ZNF502: variants seen among roughly 807,000 people sequenced by gnomAD.
The protein encoded by ZNF502 is zinc finger protein 502.
Under a neutral mutation model 43.6 loss-of-function variants are expected in ZNF502, and 29 were observed. The observed-to-expected ratio is 0.67, with a 90% CI of 0.50 to 0.91. The LOEUF (loss-of-function observed/expected upper bound fraction) is 0.91, where lower values mean the gene tolerates loss of function less well. Among genes scored for constraint, ZNF502 ranks in the 40% least tolerant of loss-of-function variants. The probability of loss-of-function intolerance (pLI) is 0.00; values close to 1 mark genes in which losing one functional copy is unlikely to be tolerated. For missense variants in ZNF502, 591 were observed against 647.2 expected (o/e 0.91, Z 0.94); for synonymous variants, 171 against 207.4 (o/e 0.82, Z 1.51).
In ZNF502 at chr3:44,721,546, A is replaced by G. The variant is rs1704336779; in HGVS notation, c.729A>G (p.Glu243=). 1.2e-6 allele frequency: 2 copies of G among 1,607,400 alleles called. No homozygotes were observed. Among genetic ancestry groups the G allele is most frequent in the South Asian group, 1.1e-5 (1 of 90,116 alleles). The part of the protein sequence containing the change: ...HTGEKPYKCN[E]CGNSFRNHSH... ...GAGAGAAACCTTATAAATGCAATGA[A>G]TGTGGGAATTCCTTCCGCAATCACT... Residue 243 remains glutamate (E), a synonymous_variant, in exon 3 of 3, where the codon GAA becomes GAG. Transcript: ENST00000436624.
chr3:44,717,405 C>CTTTTTTTTTTTT (rs34497930), intron 1 of ZNF502, among the ~76,000 whole-genome samples: 1 of 76,030 alleles, frequency 1.3e-5, no homozygotes, highest in Non-Finnish European at 2.4e-5. Flanking sequence ...GTGATGCAAT[C>CTTTTTTTTTTTT]TTTTTTTTTT....
At chr3:44,716,210 G>A (rs555106157) in intron 1 of ZNF502, among the ~76,000 whole-genome samples, 4 of 147,358 alleles carry the variant, frequency 2.7e-5, no homozygotes, top group Admixed American at 6.8e-5. Flanking sequence ...TTTTTGAGAC[G>A]GAGTTTCGCT....
intron 1 of ZNF502, among the ~76,000 whole-genome samples, chr3:44,714,439 C>T (rs1049220011): frequency 2.0e-5 from 3 of 152,178 alleles, no homozygotes; most frequent in Non-Finnish European, 4.4e-5. Context: ...TTTGGTAAAA[C>T]TGTTTTATTA....
In ZNF502 at chr3:44,722,075, A is replaced by G; in HGVS notation, c.1258A>G (p.Ile420Val). The change falls in exon 3 of 3, where the codon ATT becomes GTT. Residue 420 changes from isoleucine (I) to valine (V), a missense_variant. Physicochemically the swap from Ile to Val is conservative, Grantham distance 29. Coordinates refer to ENST00000436624, the MANE Select transcript of ZNF502 (RefSeq NM_001134442.3). ...SECGKAFIQS[I>V]CLIRHQRSHT... ...ATGTGGTAAAGCCTTCATTCAGAGC[A>G]TTTGCCTTATTCGGCACCAGAGAAG... The G allele has an allele frequency of 1.2e-6, 2 of 1,614,078 alleles. No individual in the cohort carries two copies. The highest frequency in any genetic ancestry group is 1.3e-5 in the African/African-American group (1 of 75,000).
Position 44,722,230 on chromosome 3 carries a change from C to G in ZNF502, c.1413C>G (p.Ala471=). Residue 471 remains alanine, a synonymous_variant, in exon 3 of 3, where the codon GCC becomes GCG. Coordinates refer to ENST00000436624, the MANE Select transcript of ZNF502 (RefSeq NM_001134442.3). ...ATAAATGTAAAGAATGTGGGAAAGC[C>G]TTTGCTCATAGCTCATCTCTTACTG... ...KPYKCKECGK[A]FAHSSSLTEH... 6.2e-7 allele frequency: 1 copy of G among 1,614,102 alleles called. No individual in the cohort carries two copies. The highest frequency in any genetic ancestry group is 1.1e-5 in the South Asian group (1 of 91,076).
Position 44,721,778 on chromosome 3 carries a change from A to C in ZNF502, c.961A>C (p.Lys321Gln). 6.2e-7 allele frequency: 1 copy of C among 1,613,952 alleles called. No homozygotes were observed. The highest frequency in any genetic ancestry group is 8.5e-7 in the Non-Finnish European group (1 of 1,179,928). ...TQHQRIHTGEKPHKCDECGKT... is the reference protein window; with the variant it reads ...TQHQRIHTGEQPHKCDECGKT... ...ACATCAGAGAATTCACACTGGGGAA[A>C]AACCCCATAAATGTGACGAATGTGG... The change falls in exon 3 of 3, where the codon AAA becomes CAA. Residue 321 changes from lysine (K) to glutamine (Q), a missense_variant. Lys to Gln is a moderately conservative substitution (Grantham distance 53, BLOSUM62 1). Transcript: ENST00000436624.
intron 1 of ZNF502, among the ~76,000 whole-genome samples, chr3:44,718,318 C>A (rs1314880722): frequency 2.6e-5 from 4 of 152,168 alleles, no homozygotes; most frequent in Admixed American, 6.6e-5. Flanking sequence ...ACTGAAATAG[C>A]CTCACAAGGG....
intron 1 of ZNF502, among the ~76,000 whole-genome samples, chr3:44,713,935 C>T (rs1308607469): frequency 6.6e-6 from 1 of 152,074 alleles, no homozygotes; most frequent in African/African-American, 2.4e-5. Flanking sequence ...AAAACTTGTC[C>T]CAGATCACAT....
rs1300701179 is a variant in ZNF502 at position 44,722,191 on chromosome 3, T to C, written c.1374T>C (p.Thr458=). 2.5e-6 allele frequency: 4 copies of C among 1,614,102 alleles called. No individual in the cohort carries two copies. Among genetic ancestry groups the C allele is most frequent in the African/African-American group, 2.7e-5 (2 of 74,944 alleles). The change falls in exon 3 of 3, where the codon ACT becomes ACC. Residue 458 remains threonine, a synonymous_variant. Transcript: ENST00000436624. ...TCLTQHMRIH[T]GEKPYKCKEC... ...TCACTCAGCATATGAGAATTCATACTGGAGAGAAGCCCTATAAATGTAAAG... is the reference window on the plus strand; with the variant it reads ...TCACTCAGCATATGAGAATTCATACCGGAGAGAAGCCCTATAAATGTAAAG...
chr3:44,719,734 C>T (rs1704254646), intron 1 of ZNF502, among the ~76,000 whole-genome samples: 1 of 152,342 alleles, frequency 6.6e-6, no homozygotes, highest in African/African-American at 2.4e-5. Context: ...CATTCCCTAA[C>T]ACTATCTCAG....
rs746157973 is a variant in ZNF502 at position 44,722,445 on chromosome 3, G to A, written c.1628G>A (p.Gly543Asp). ...VLFRHQKLHS[G>D]D ...TTCAGACATCAGAAACTTCACAGTGGTGACTAATGCTGCCATTTAGGTTAT... is the reference window on the plus strand; with the variant it reads ...TTCAGACATCAGAAACTTCACAGTGATGACTAATGCTGCCATTTAGGTTAT... Residue 543 changes from glycine to aspartate, a missense_variant, in exon 3 of 3, where the codon GGT (glycine) becomes GAT (aspartate). By Grantham distance (94) the Gly-to-Asp change is moderately conservative (BLOSUM62 -1). Coordinates refer to ENST00000436624, the MANE Select transcript of ZNF502 (RefSeq NM_001134442.3). The A allele has an allele frequency of 6.2e-7, 1 of 1,609,070 alleles. No homozygotes were observed. Among genetic ancestry groups the A allele is most frequent in the East Asian group, 2.2e-5 (1 of 44,832 alleles).
At chr3:44,714,712 T>C (rs1704101141) in intron 1 of ZNF502, 1 of 152,236 alleles carries the variant, frequency 6.6e-6, no homozygotes, top group African/African-American at 2.4e-5. Flanking sequence ...TCAACCATAA[T>C]AGCATCTAAC....
intron 1 of ZNF502, among the ~76,000 whole-genome samples, chr3:44,718,647 C>G (rs765633419): frequency 1.7e-4 from 26 of 152,186 alleles, no homozygotes; most frequent in Non-Finnish European, 7.4e-5. Context: ...TTTTGTCTCT[C>G]TTCTTTTCCC....
chr3:44,721,774 G>A lies in ZNF502; in HGVS notation c.957G>A (p.Gly319=), dbSNP rs752916242. ...NLTQHQRIHT[G]EKPHKCDECG... Reference sequence around the variant, plus strand: ...CGCAACATCAGAGAATTCACACTGGGGAAAAACCCCATAAATGTGACGAAT... The same window carrying A: ...CGCAACATCAGAGAATTCACACTGGAGAAAAACCCCATAAATGTGACGAAT... Residue 319 remains glycine (G), a synonymous_variant, in exon 3 of 3, where the codon GGG becomes GGA. Coordinates refer to ENST00000436624, the MANE Select transcript of ZNF502 (RefSeq NM_001134442.3). 68 of 1,613,174 alleles carry A rather than the reference G, an allele frequency of 4.2e-5. No homozygotes were observed. Among genetic ancestry groups the A allele is most frequent in the Non-Finnish European group, 5.7e-5 (67 of 1,179,724 alleles).
chr3:44,717,258 C>CT (rs1273152594), intron 1 of ZNF502, among the ~76,000 whole-genome samples: 1 of 151,764 alleles, frequency 6.6e-6, no homozygotes, highest in Non-Finnish European at 1.5e-5. Flanking sequence ...AATTATCTAT[C>CT]TTTTTGTGAT....
intron 1 of ZNF502, among the ~76,000 whole-genome samples, chr3:44,714,007 C>G (rs1030939960): frequency 1.3e-5 from 2 of 152,024 alleles, no homozygotes; most frequent in African/African-American, 4.8e-5. Flanking sequence ...GGTGAGTGCA[C>G]TGTTTGGTGC....
chr3:44,722,585 C>T lies in ZNF502; in HGVS notation c.*133C>T. 8.2e-7 allele frequency: 1 copy of T among 1,224,884 alleles called. No homozygotes were observed. The highest frequency in any genetic ancestry group is 1.1e-6 in the Non-Finnish European group (1 of 896,914). 75.9% of individuals were successfully genotyped at this position (1,224,884 alleles called of 1,614,324 possible). A position where few individuals can be genotyped will look rare whatever the true frequency, so the allele number is the denominator to read the frequency against. ...CTACTGTACTCTGAGAGGAATGTTT[C>T]CAGAAATGGAGGTGGGAGCTTAGGG... On this transcript the variant is annotated 3_prime_UTR_variant, in exon 3 of 3. Coordinates refer to ENST00000436624, the MANE Select transcript of ZNF502 (RefSeq NM_001134442.3).
At chr3:44,713,353 C>G (rs1027089595) in intron 1 of ZNF502, among the ~76,000 whole-genome samples, 1 of 152,132 alleles carries the variant, frequency 6.6e-6, no homozygotes, top group Non-Finnish European at 1.5e-5. Context: ...AACATTACCC[C>G]GAATTTAGTG....
chr3:44,713,722 A>G (rs953406647), intron 1 of ZNF502, among the ~76,000 whole-genome samples: 1 of 152,038 alleles, frequency 6.6e-6, no homozygotes, highest in Non-Finnish European at 1.5e-5. Context: ...CTGGGATTAC[A>G]GGCATGCGCC....
Sources: gnomAD v4.1 joint callset for allele counts (sites outside exome capture counted in the v4.1 genomes callset) on GRCh38, gnomAD v4.1.1 for gene constraint, MANE v1.5 for transcripts, NCBI Gene and HGNC (gene_info 2026-07-23, HGNC 2026-07-21) for gene names.